The following CFAP100 variants were observed in gnomAD, a reference collection of about 807,000 sequenced individuals.
CFAP100 encodes the protein cilia- and flagella-associated protein 100.
In CFAP100, 70 loss-of-function variants were observed where a neutral mutation model predicts 81.5. The observed-to-expected ratio is 0.86, with a 90% CI of 0.71 to 1.05. The LOEUF (loss-of-function observed/expected upper bound fraction) is 1.05, where lower values mean the gene tolerates loss of function less well. Among genes scored for constraint, CFAP100 ranks in the 50% least tolerant of loss-of-function variants. The pLI is 0.00. For missense variants in CFAP100, 811 were observed against 776.5 expected (o/e 1.04, Z -0.53); for synonymous variants, 341 against 314.8 (o/e 1.08, Z -0.88).
chr3:126,419,058 C>CCCCCCCCCCA lies in CFAP100; in HGVS notation c.651-17_651-16insCCCCCCCCAC. 6.8e-7 allele frequency: 1 copy of CCCCCCCCCCA among 1,461,252 alleles called. No homozygotes were observed. Among genetic ancestry groups the CCCCCCCCCCA allele is most frequent in the Non-Finnish European group, 9.2e-7 (1 of 1,081,950 alleles). The allele number at this position is 1,461,252 out of a possible 1,614,324, so 90.5% of individuals were successfully genotyped here. On this transcript the variant is annotated splice_polypyrimidine_tract_variant and intron_variant, in intron 7 of 16. Transcript: ENST00000352312. The stretch of plus-strand genomic sequence containing the variant: ...GCCCCTTGCCCCCATCCCTCCTCCC[C>CCCCCCCCCCA]CGCCGCCCAACCCCTAGGGCTGAGA...
chr3:126,430,806 T>C (rs1382909847), intron 13 of CFAP100, among the ~76,000 whole-genome samples: 1 of 152,112 alleles, frequency 6.6e-6, no homozygotes, highest in Admixed American at 6.6e-5. Flanking sequence ...GACCTTATAT[T>C]GTTTTCCTGA....
chr3:126,419,066 C>A lies in CFAP100; in HGVS notation c.651-10C>A. 1 of 1,530,818 alleles carries A rather than the reference C, an allele frequency of 6.5e-7. No homozygotes were observed. The highest frequency in any genetic ancestry group is 8.8e-7 in the Non-Finnish European group (1 of 1,134,808). The allele number at this position is 1,530,818 out of a possible 1,614,324, so 94.8% of individuals were successfully genotyped here. A position where few individuals can be genotyped will look rare whatever the true frequency, so the allele number is the denominator to read the frequency against. ...CCCCCATCCCTCCTCCCCCGCCGCC[C>A]AACCCCTAGGGCTGAGAAGGAGACC... On this transcript the variant is annotated splice_polypyrimidine_tract_variant and intron_variant, in intron 7 of 16. Coordinates refer to ENST00000352312, the MANE Select transcript of CFAP100 (RefSeq NM_182628.3).
chr3:126,418,874 G>A, intron 7 of CFAP100, 100 bp downstream of exon 7: 1 of 1,394,342 alleles, frequency 7.2e-7, no homozygotes, highest in Non-Finnish European at 9.6e-7. Context: ...CCCAGCCCCT[G>A]CAACTCCTCT....
intron 3 of CFAP100, among the ~76,000 whole-genome samples, chr3:126,410,804 G>T (rs900170780): frequency 6.6e-6 from 1 of 152,224 alleles, no homozygotes; most frequent in East Asian, 1.9e-4. Context: ...TATGTCATCC[G>T]CAGATTTCTT....
At chr3:126,416,557 C>T (rs1475428358) in intron 5 of CFAP100, 49 bp downstream of exon 5, 3 of 1,451,586 alleles carry the variant, frequency 2.1e-6, no homozygotes, top group Non-Finnish European at 2.8e-6. Context: ...CGTCCCACAA[C>T]CGCAGCTCAG....
At chr3:126,404,789 C>G (rs921803321) in intron 2 of CFAP100, among the ~76,000 whole-genome samples, 6 of 152,186 alleles carry the variant, frequency 3.9e-5, no homozygotes, top group African/African-American at 1.4e-4. Flanking sequence ...ATTCTCCTGC[C>G]TCAGCCTCCC....
At chr3:126,408,805 C>T (rs2083109804) in intron 3 of CFAP100, among the ~76,000 whole-genome samples, 1 of 152,138 alleles carries the variant, frequency 6.6e-6, no homozygotes, top group East Asian at 1.9e-4. Context: ...TTTTTTGAGA[C>T]AGGGTCTCAC....
rs202020872 is a variant in CFAP100 at position 126,419,122 on chromosome 3, C to G, written c.697C>G (p.Arg233Gly). The change falls in exon 8 of 17, where the codon CGG becomes GGG. Residue 233 changes from arginine (R) to glycine (G), a missense_variant. By Grantham distance (125) the Arg-to-Gly change is moderately radical. Coordinates refer to ENST00000352312, the MANE Select transcript of CFAP100 (RefSeq NM_182628.3). Reference sequence around the variant, plus strand: ...CAAGATAGAGAAGATCCTTGAGATCCGGGACCTCACCACCCAGATTGTTAA... The same window carrying G: ...CAAGATAGAGAAGATCCTTGAGATCGGGGACCTCACCACCCAGATTGTTAA... Reference protein sequence around the residue: ...KAKIEKILEIRDLTTQIVNIK... With the variant: ...KAKIEKILEIGDLTTQIVNIK... 1 of 1,590,232 alleles carries G rather than the reference C, an allele frequency of 6.3e-7. No homozygotes were observed. Among genetic ancestry groups the G allele is most frequent in the Non-Finnish European group, 8.6e-7 (1 of 1,167,290 alleles).
rs545176736 is a variant in CFAP100 at position 126,416,235 on chromosome 3, C to T, written c.226-81C>T. 572 of 1,298,194 alleles carry T rather than the reference C, an allele frequency of 4.4e-4. 5 individuals carry two copies. In the South Asian group the frequency reaches 7.1e-3, roughly 16 times the overall value. 80.4% of individuals were successfully genotyped at this position (1,298,194 alleles called of 1,614,324 possible). A position where few individuals can be genotyped will look rare whatever the true frequency, so the allele number is the denominator to read the frequency against. On this transcript the variant is annotated intron_variant, in intron 4 of 16. Transcript: ENST00000352312. ...CGTCCTCGCGCGCAAACCCGCGTCC[C>T]TAGGAATGGGGAACCGCGCGGGGAG...
At chr3:126,412,536 AT>A in intron 3 of CFAP100, among the ~76,000 whole-genome samples, 2 of 152,302 alleles carry the variant, frequency 1.3e-5, no homozygotes, top group Middle Eastern at 6.8e-3. Context: ...ATTTTATCAA[AT>A]AATTTTACTG....
At chr3:126,401,195 G>A (rs1390010596) in intron 2 of CFAP100, among the ~76,000 whole-genome samples, 1 of 151,778 alleles carries the variant, frequency 6.6e-6, no homozygotes, top group Non-Finnish European at 1.5e-5. Context: ...AGGATGGGGA[G>A]TTGTTTAATG....
At chr3:126,415,677 G>A (rs1425194121) in intron 4 of CFAP100, among the ~76,000 whole-genome samples, 3 of 152,252 alleles carry the variant, frequency 2.0e-5, no homozygotes, top group African/African-American at 7.2e-5. Context: ...CCCGGGGCCG[G>A]TGCAGAAAAG....
intron 2 of CFAP100, among the ~76,000 whole-genome samples, chr3:126,402,702 G>A (rs1477414002): frequency 6.6e-6 from 1 of 152,068 alleles, no homozygotes; most frequent in Non-Finnish European, 1.5e-5. Flanking sequence ...CCGAGGGGGA[G>A]GGGAGGGAAG....
Position 126,419,171 on chromosome 3 carries a change from C to T in CFAP100, c.731+15C>T. On this transcript the variant is annotated intron_variant, in intron 8 of 16. Transcript: ENST00000352312. The stretch of plus-strand genomic sequence containing the variant: ...AATATCAAAAGGTGAGGTCAGAGGG[C>T]ATGCTGGCCATTGGCTGGCCCACCT... The T allele has an allele frequency of 2.6e-6, 4 of 1,515,502 alleles. No homozygotes were observed. Among genetic ancestry groups the T allele is most frequent in the Non-Finnish European group, 3.6e-6 (4 of 1,123,028 alleles). The allele number at this position is 1,515,502 out of a possible 1,614,324, so 93.9% of individuals were successfully genotyped here.
intron 2 of CFAP100, among the ~76,000 whole-genome samples, chr3:126,404,567 T>C (rs1377797255): frequency 6.6e-6 from 1 of 152,234 alleles, no homozygotes; most frequent in Non-Finnish European, 1.5e-5. Flanking sequence ...CCATCTGCTC[T>C]GAATTAGGTA....
chr3:126,419,915 C>T, intron 9 of CFAP100, 65 bp from the exon 10 acceptor site: 9 of 1,612,020 alleles, frequency 5.6e-6, no homozygotes, highest in Non-Finnish European at 7.6e-6. Context: ...GCATCTGGGC[C>T]ACATGGCGTT....
intron 7 of CFAP100, 44 bp downstream of exon 7, chr3:126,418,818 C>T: frequency 6.5e-7 from 1 of 1,529,390 alleles, no homozygotes; most frequent in Non-Finnish European, 8.7e-7. Flanking sequence ...ATGCCGAACC[C>T]CCACTGTCCC....
chr3:126,402,416 G>C (rs543048521), intron 2 of CFAP100, among the ~76,000 whole-genome samples: 1 of 152,220 alleles, frequency 6.6e-6, no homozygotes, highest in Non-Finnish European at 1.5e-5. Context: ...AAAGGGGGAC[G>C]TGGGCAGGAG....
chr3:126,403,885 G>A (rs1313148558), intron 2 of CFAP100, among the ~76,000 whole-genome samples: 1 of 151,986 alleles, frequency 6.6e-6, no homozygotes, highest in Non-Finnish European at 1.5e-5. Context: ...TTCTAAACAA[G>A]ACACTAAACC....
Sources: allele counts gnomAD v4.1 joint callset (sites outside exome capture counted in the v4.1 genomes callset), GRCh38; gene constraint gnomAD v4.1.1; transcripts MANE v1.5; gene names NCBI Gene and HGNC (gene_info 2026-07-23, HGNC 2026-07-21).